The following ZMAT4 variants were observed in gnomAD, a reference collection of about 807,000 sequenced individuals.
ZMAT4 encodes the protein zinc finger matrin-type 4, also known as zinc finger matrin-type protein 4.
ZMAT4 carries 17 observed loss-of-function variants against 28.7 expected under a neutral mutation model. The observed-to-expected ratio is 0.59, with a 90% CI of 0.41 to 0.89. ZMAT4 has a LOEUF of 0.89. ZMAT4 is among the 40% of genes least tolerant of loss of function. The pLI is 0.00. For synonymous variants in ZMAT4, 117 were observed against 109.2 expected (o/e 1.07, Z -0.44); for missense variants, 240 against 283.8 (o/e 0.85, Z 1.11).
chr8:40,657,201 G>A (rs888213752), intron 5 of ZMAT4, among the ~76,000 whole-genome samples: 2 of 151,978 alleles, frequency 1.3e-5, no homozygotes, highest in Admixed American at 6.6e-5. Context: ...CATAAAAATC[G>A]TATGTATTTT....
chr8:40,660,178 C>G (rs1426675025), intron 5 of ZMAT4, among the ~76,000 whole-genome samples: 2 of 152,152 alleles, frequency 1.3e-5, no homozygotes, highest in Non-Finnish European at 2.9e-5. Context: ...ACCCACTTAT[C>G]TAATGTAGAC....
chr8:40,658,112 G>A (rs1270003919), intron 5 of ZMAT4, among the ~76,000 whole-genome samples: 1 of 151,880 alleles, frequency 6.6e-6, no homozygotes, highest in Non-Finnish European at 1.5e-5. Flanking sequence ...GGCTCTTTTT[G>A]TTTCTATTGC....
chr8:40,687,300 T>C (rs1809452224), intron 4 of ZMAT4, among the ~76,000 whole-genome samples: 2 of 152,028 alleles, frequency 1.3e-5, no homozygotes, highest in Non-Finnish European at 2.9e-5. Context: ...AAAAATAGCT[T>C]TGAAACACAG....
At chr8:40,703,767 T>C (rs1279919454) in intron 3 of ZMAT4, among the ~76,000 whole-genome samples, 1 of 152,228 alleles carries the variant, frequency 6.6e-6, no homozygotes, top group Non-Finnish European at 1.5e-5. Context: ...TATTCTGTTC[T>C]AGAGGAAAAG....
At chr8:40,731,476 A>G (rs936969230) in intron 3 of ZMAT4, among the ~76,000 whole-genome samples, 2 of 152,144 alleles carry the variant, frequency 1.3e-5, no homozygotes, top group African/African-American at 4.8e-5. Flanking sequence ...AACCTAAGGG[A>G]AGAAGAAGAA....
chr8:40,749,107 C>G (rs1451684389), intron 3 of ZMAT4, among the ~76,000 whole-genome samples: 1 of 152,126 alleles, frequency 6.6e-6, no homozygotes, highest in Non-Finnish European at 1.5e-5. Flanking sequence ...TGTGAGGCCT[C>G]CCCAGCCATA....
intron 2 of ZMAT4, among the ~76,000 whole-genome samples, chr8:40,802,789 G>T (rs1408209308): frequency 9.2e-5 from 14 of 152,148 alleles, no homozygotes; most frequent in Admixed American, 9.2e-4. Flanking sequence ...AAGAAGAACA[G>T]TCAGAGGACT....
chr8:40,802,667 C>T (rs1409105019), intron 2 of ZMAT4, among the ~76,000 whole-genome samples: 2 of 152,092 alleles, frequency 1.3e-5, no homozygotes, highest in East Asian at 1.9e-4. Context: ...AATTCAATCC[C>T]AATCAAAATC....
At chr8:40,769,771 G>A (rs994506619) in intron 2 of ZMAT4, among the ~76,000 whole-genome samples, 1 of 149,806 alleles carries the variant, frequency 6.7e-6, no homozygotes, top group African/African-American at 2.5e-5. Context: ...TCATCATGCG[G>A]CCTGGTTTGT....
At chr8:40,772,023 G>C (rs916510186) in intron 2 of ZMAT4, among the ~76,000 whole-genome samples, 5 of 151,930 alleles carry the variant, frequency 3.3e-5, no homozygotes, top group African/African-American at 1.2e-4. Context: ...GTTTCAGGGG[G>C]AAAAAAAGAA....
intron 3 of ZMAT4, among the ~76,000 whole-genome samples, chr8:40,699,104 C>T (rs1810018866): frequency 6.6e-6 from 1 of 152,092 alleles, no homozygotes; most frequent in Non-Finnish European, 1.5e-5. Context: ...CTTCCTGGCT[C>T]CCCTGAGCTA....
intron 3 of ZMAT4, among the ~76,000 whole-genome samples, chr8:40,740,420 G>A (rs749650014): frequency 5.9e-4 from 90 of 152,288 alleles, no homozygotes; most frequent in Middle Eastern, 6.8e-3. Flanking sequence ...ACAGGGTCAC[G>A]ATCTATTGAA....
chr8:40,811,274 G>C (rs1449114542), intron 2 of ZMAT4, among the ~76,000 whole-genome samples: 1 of 152,174 alleles, frequency 6.6e-6, no homozygotes, highest in Admixed American at 6.5e-5. Flanking sequence ...CCTGGTCTTG[G>C]GTGGTTGTAA....
chr8:40,803,995 A>G (rs1814969529), intron 2 of ZMAT4, among the ~76,000 whole-genome samples: 1 of 152,238 alleles, frequency 6.6e-6, no homozygotes, highest in African/African-American at 2.4e-5. Flanking sequence ...AGGCTGCATA[A>G]TGTATGATTC....
intron 6 of ZMAT4, among the ~76,000 whole-genome samples, chr8:40,574,472 G>A (rs10088250): frequency 6.6e-6 from 1 of 152,146 alleles, no homozygotes; most frequent in South Asian, 2.1e-4. Flanking sequence ...GTTTCTCCTG[G>A]GTAGAATATG....
chr8:40,777,795 TCAACAGC>T (rs1430955461), intron 2 of ZMAT4, among the ~76,000 whole-genome samples: 1 of 152,164 alleles, frequency 6.6e-6, no homozygotes, highest in Non-Finnish European at 1.5e-5. Flanking sequence ...CCCAATAAGG[TCAACAGC>T]TGCAACAAGG....
At chr8:40,664,150 A>G (rs1293349030) in intron 5 of ZMAT4, among the ~76,000 whole-genome samples, 2 of 152,156 alleles carry the variant, frequency 1.3e-5, no homozygotes, top group East Asian at 1.9e-4. Flanking sequence ...TCTAACAAAT[A>G]GAATGTGTGG....
rs186220132 is a variant in ZMAT4 at position 40,533,625 on chromosome 8, C to T, written c.675-1387G>A. 2.6e-5 allele frequency among the ~76,000 whole-genome samples: 4 copies of T among 152,282 alleles called. No homozygotes were observed. In the East Asian group the frequency reaches 7.7e-4, roughly 29 times the overall value. ...GAAATTTCATTTTCCAAAAACAGTGCTGTCATAGAATATTCTTAGGATCTG... is the reference window on the plus strand; with the variant it reads ...GAAATTTCATTTTCCAAAAACAGTGTTGTCATAGAATATTCTTAGGATCTG... On this transcript the variant is annotated intron_variant, in intron 6 of 6. Transcript: ENST00000297737.
chr8:40,886,687 G>A (rs148816990), intron 1 of ZMAT4, among the ~76,000 whole-genome samples: 1 of 152,146 alleles, frequency 6.6e-6, no homozygotes, highest in South Asian at 2.1e-4. Context: ...AGCTGCTCCC[G>A]AATTTCTGAA....
Sources: allele counts gnomAD v4.1 joint callset (sites outside exome capture counted in the v4.1 genomes callset), GRCh38; gene constraint gnomAD v4.1.1; transcripts MANE v1.5; gene names NCBI Gene and HGNC (gene_info 2026-07-23, HGNC 2026-07-21).